YEATS4: variants seen among roughly 807,000 people sequenced by gnomAD.
YEATS4 encodes YEATS domain-containing protein 4.
YEATS4 carries 17 observed loss-of-function variants against 30.1 expected under a neutral mutation model. The observed-to-expected ratio is 0.56, with a 90% CI of 0.39 to 0.85. YEATS4 has a LOEUF of 0.85. YEATS4 is among the 40% of genes least tolerant of loss of function. The pLI, the probability that YEATS4 is intolerant of heterozygous loss-of-function variation, is 0.00. For missense variants in YEATS4, 142 were observed against 268.3 expected (o/e 0.53, Z 3.29); for synonymous variants, 85 against 87.5 (o/e 0.97, Z 0.16).
At chr12:69,411,530 G>C in the YEATS4 span, among the ~76,000 whole-genome samples, 1 of 152,180 alleles carries the variant, frequency 6.6e-6, no homozygotes, top group Non-Finnish European at 1.5e-5. Flanking sequence ...AAAATAAACA[G>C]TAAGCATAAT....
the YEATS4 span, among the ~76,000 whole-genome samples, chr12:69,418,130 C>A: frequency 6.6e-6 from 1 of 152,240 alleles, no homozygotes; most frequent in Admixed American, 6.5e-5. Context: ...TGACTTCAGC[C>A]TTGGCAGGTG....
chr12:69,362,016 T>TTTGTTTTTG (rs746807584), intron 1 of YEATS4, among the ~76,000 whole-genome samples: 2 of 111,256 alleles, frequency 1.8e-5, no homozygotes, highest in African/African-American at 6.5e-5. Flanking sequence ...TTTGGTTGTT[T>TTTGTTTTTG]TTTTTTTTTT....
At chr12:69,384,058 C>T (rs1425275902) in intron 6 of YEATS4, among the ~76,000 whole-genome samples, 1 of 152,126 alleles carries the variant, frequency 6.6e-6, no homozygotes, top group Non-Finnish European at 1.5e-5. Flanking sequence ...CTTAAAAGAT[C>T]TGGGTACTAA....
At chr12:69,396,426 G>A in the YEATS4 span, among the ~76,000 whole-genome samples, 2 of 152,158 alleles carry the variant, frequency 1.3e-5, no homozygotes, top group African/African-American at 4.8e-5. Flanking sequence ...CTCCCCCAAA[G>A]CTTAGAGGAG....
rs971666586 is a variant in YEATS4, at chr12:69,378,776, A to G, written c.514+7801A>G. Among the ~76,000 whole-genome samples, 68 of 152,314 alleles carry G rather than the reference A, an allele frequency of 4.5e-4. 1 individual carries two copies. The highest frequency in any genetic ancestry group is 3.8e-3 in the Admixed American group (58 of 15,294). ...TTATTTTTGATCGGTTCATCTTTTC[A>G]TATTTCTACCTAAGACTTGTGTAGT... On this transcript the variant is annotated intron_variant, in intron 6 of 6. Coordinates refer to ENST00000247843, the MANE Select transcript of YEATS4 (RefSeq NM_006530.4).
rs568114027 is a variant in YEATS4, at chr12:69,360,770, AT to A, written c.51+749del. Among the ~76,000 whole-genome samples, 34 of 146,566 alleles carry A rather than the reference AT, an allele frequency of 2.3e-4. No homozygotes were observed. The East Asian group carries it at 7.5e-3, about 32-fold the overall frequency. ...AACCTCGGCCTCCCAAAGTGCTGGG[AT>A]TACAGGCGTGAGCCACCGCGCCCAG... On this transcript the variant is annotated intron_variant, in intron 1 of 6. Coordinates refer to ENST00000247843, the MANE Select transcript of YEATS4 (RefSeq NM_006530.4).
the YEATS4 span, among the ~76,000 whole-genome samples, chr12:69,411,068 G>C: frequency 1.1e-3 from 175 of 152,240 alleles, no homozygotes; most frequent in Admixed American, 3.3e-3. Context: ...TGTATCTATA[G>C]GTAACCATTT....
the YEATS4 span, among the ~76,000 whole-genome samples, chr12:69,421,548 A>G: frequency 6.6e-6 from 1 of 152,172 alleles, no homozygotes; most frequent in Non-Finnish European, 1.5e-5. Context: ...TGTAGTTTCT[A>G]GAGAGGTGGT....
At chr12:69,380,180 G>A (rs545869742) in intron 6 of YEATS4, among the ~76,000 whole-genome samples, 4 of 152,200 alleles carry the variant, frequency 2.6e-5, no homozygotes, top group Non-Finnish European at 5.9e-5. Context: ...GGGCATTGCA[G>A]AGTTAGGTTT....
At chr12:69,369,323 C>T (rs1161344994) in intron 4 of YEATS4, among the ~76,000 whole-genome samples, 1 of 151,896 alleles carries the variant, frequency 6.6e-6, no homozygotes, top group African/African-American at 2.4e-5. Context: ...TTTCATTTTG[C>T]CAAAGGAATT....
At chr12:69,375,544 A>C (rs1472706447) in intron 6 of YEATS4, among the ~76,000 whole-genome samples, 1 of 152,200 alleles carries the variant, frequency 6.6e-6, no homozygotes, top group Non-Finnish European at 1.5e-5. Flanking sequence ...TGGGAGGCCA[A>C]GGCAGGCGGC....
chr12:69,360,138 A>C, intron 1 of YEATS4, 115 bp downstream of exon 1: 1 of 1,226,634 alleles, frequency 8.2e-7, no homozygotes, highest in Non-Finnish European at 1.1e-6. Flanking sequence ...TCGGGTTTGA[A>C]CCGTGGTTTC....
chr12:69,421,451 A>T, the YEATS4 span, among the ~76,000 whole-genome samples: 1 of 152,210 alleles, frequency 6.6e-6, no homozygotes, highest in South Asian at 2.1e-4. Context: ...TTCTACTGCA[A>T]ATTCGTATTC....
chr12:69,390,054 A>G (rs1195175221), intron 6 of YEATS4, 93 bp from the exon 7 acceptor site: 1 of 1,027,086 alleles, frequency 9.7e-7, no homozygotes, highest in Non-Finnish European at 1.3e-6. Flanking sequence ...CATCATGGAA[A>G]CATTGTCGTC....
At chr12:69,423,774 A>G in the YEATS4 span, among the ~76,000 whole-genome samples, 1 of 152,198 alleles carries the variant, frequency 6.6e-6, no homozygotes, top group African/African-American at 2.4e-5. Flanking sequence ...TTGATGTGCA[A>G]TTATGAACCC....
rs578106628 is a variant in YEATS4, at chr12:69,369,373, A to G, written c.334-1333A>G. ...GCCTGAGAAATAAACTTTCAGAGAT[A>G]TTGCCCATCTGAAATGTCCTTATTT... On this transcript the variant is annotated intron_variant, in intron 4 of 6. Transcript: ENST00000247843. 6.6e-5 allele frequency among the ~76,000 whole-genome samples: 10 copies of G among 152,324 alleles called. No individual in the cohort carries two copies. The East Asian group carries it at 1.9e-3, about 29-fold the overall frequency.
downstream of YEATS4, among the ~76,000 whole-genome samples, chr12:69,393,108 TG>T (rs2121098027): frequency 6.6e-6 from 1 of 152,358 alleles, no homozygotes; most frequent in South Asian, 2.1e-4. Context: ...AGTTTTGTTT[TG>T]TTTTGTTTTT....
chr12:69,398,445 T>A, the YEATS4 span, among the ~76,000 whole-genome samples: 234 of 152,146 alleles, frequency 1.5e-3, no homozygotes, highest in South Asian at 5.6e-3. Flanking sequence ...TTTAAAAAAA[T>A]TTCATTTATA....
chr12:69,411,847 G>A, the YEATS4 span, among the ~76,000 whole-genome samples: 376 of 152,372 alleles, frequency 2.5e-3, 2 homozygotes, highest in Middle Eastern at 0.01. Context: ...GGCCAATGTG[G>A]CCGATGCCAA....
Sources: gnomAD v4.1 joint callset for allele counts (sites outside exome capture counted in the v4.1 genomes callset) on GRCh38, gnomAD v4.1.1 for gene constraint, MANE v1.5 for transcripts, NCBI Gene and HGNC (gene_info 2026-07-23, HGNC 2026-07-21) for gene names.